The following LRRC4C variants were observed in gnomAD, a reference collection of about 807,000 sequenced individuals.
LRRC4C encodes the protein leucine-rich repeat-containing protein 4C.
Under a neutral mutation model 33.6 loss-of-function variants are expected in LRRC4C, and 5 were observed. The observed-to-expected ratio is 0.15, with a 90% confidence interval of 0.08 to 0.31. LRRC4C has a LOEUF of 0.31. Among genes scored for constraint, LRRC4C ranks in the 10% least tolerant of loss-of-function variants. LRRC4C has a pLI of 1.00. For missense variants in LRRC4C, 560 were observed against 796.7 expected, an observed-to-expected ratio of 0.70 and a Z score of 3.58; for synonymous variants, 329 against 302.0, an observed-to-expected ratio of 1.09 and a Z score of -0.93.
chr11:40,195,633 T>A (rs1203482002), intron 5 of LRRC4C, among the ~76,000 whole-genome samples: 1 of 152,080 alleles, frequency 6.6e-6, no homozygotes, highest in African/African-American at 2.4e-5. Context: ...GGGTATTTTG[T>A]CAAGAATCAT....
At chr11:40,602,077 C>A (rs1364188601) in intron 3 of LRRC4C, among the ~76,000 whole-genome samples, 4 of 151,624 alleles carry the variant, frequency 2.6e-5, no homozygotes, top group African/African-American at 7.3e-5. Context: ...TGCCTCTAAT[C>A]CCAGCTACTT....
At chr11:41,335,698 G>A (rs1343362904) in intron 1 of LRRC4C, among the ~76,000 whole-genome samples, 1 of 152,182 alleles carries the variant, frequency 6.6e-6, no homozygotes, top group Non-Finnish European at 1.5e-5. Flanking sequence ...TAGGTCTGCA[G>A]TAAATGTTTG....
chr11:41,396,147 C>T (rs1156830932), intron 1 of LRRC4C, among the ~76,000 whole-genome samples: 1 of 151,874 alleles, frequency 6.6e-6, no homozygotes, highest in African/African-American at 2.4e-5. Flanking sequence ...GATTGGACCC[C>T]CCGTTGCAGA....
At chr11:40,486,605 T>C (rs1953876380) in intron 3 of LRRC4C, among the ~76,000 whole-genome samples, 1 of 152,052 alleles carries the variant, frequency 6.6e-6, no homozygotes, top group Non-Finnish European at 1.5e-5. Flanking sequence ...TGTGATGTTA[T>C]TGAGGTAGTG....
At position 40,612,661 on chromosome 11, in the gene LRRC4C, C is replaced by T. The variant is rs187825177; in HGVS notation, c.-270+35481G>A. Among the ~76,000 whole-genome samples, 251 of 151,874 alleles carry T rather than the reference C, an allele frequency of 1.7e-3. 1 individual carries two copies. The highest frequency in any genetic ancestry group is 5.8e-3 in the African/African-American group (241 of 41,496). On this transcript the variant is annotated intron_variant, in intron 3 of 6. Transcript: ENST00000528697. Reference sequence around the variant, plus strand: ...GAAACATGAGTATTTTTTAAAGATTCGTGGTCTGCATACAGAACACTATCC... The same window carrying T: ...GAAACATGAGTATTTTTTAAAGATTTGTGGTCTGCATACAGAACACTATCC...
chr11:40,316,268 C>G (rs1257099302), intron 4 of LRRC4C, among the ~76,000 whole-genome samples: 3 of 151,942 alleles, frequency 2.0e-5, no homozygotes, highest in Non-Finnish European at 4.4e-5. Context: ...AAGTAGAACT[C>G]TATTTGTTGC....
chr11:40,138,622 C>G (rs1013441049), intron 6 of LRRC4C, among the ~76,000 whole-genome samples: 1 of 152,208 alleles, frequency 6.6e-6, no homozygotes, highest in African/African-American at 2.4e-5. Flanking sequence ...GCTCCGGATT[C>G]ATTTTCCTTC....
intron 1 of LRRC4C, among the ~76,000 whole-genome samples, chr11:41,296,976 G>A (rs746197423): frequency 1.1e-4 from 16 of 152,102 alleles, no homozygotes; most frequent in Non-Finnish European, 1.0e-4. Context: ...TAATGGAAAA[G>A]TTTCCCATTT....
At chr11:40,244,309 C>T (rs1866160740) in intron 4 of LRRC4C, among the ~76,000 whole-genome samples, 1 of 152,016 alleles carries the variant, frequency 6.6e-6, no homozygotes, top group African/African-American at 2.4e-5. Context: ...TCTGAGCTCT[C>T]AGTCTCTCAA....
chr11:40,952,453 G>C (rs537798811), intron 1 of LRRC4C, among the ~76,000 whole-genome samples: 1 of 151,806 alleles, frequency 6.6e-6, no homozygotes, highest in East Asian at 1.9e-4. Context: ...ACTTTTGGTC[G>C]AGCATGCTCT....
At chr11:40,872,487 C>A (rs1411384948) in intron 2 of LRRC4C, among the ~76,000 whole-genome samples, 1 of 152,078 alleles carries the variant, frequency 6.6e-6, no homozygotes, top group East Asian at 1.9e-4. Flanking sequence ...ACATTCCCAG[C>A]ATTTTCTTAT....
intron 1 of LRRC4C, among the ~76,000 whole-genome samples, chr11:41,210,384 T>C (rs975134953): frequency 7.2e-5 from 11 of 152,118 alleles, no homozygotes; most frequent in Admixed American, 6.6e-4. Context: ...TTACAAGGGT[T>C]TTCTCCTTTC....
chr11:41,399,535 C>A (rs1029589896), intron 1 of LRRC4C, among the ~76,000 whole-genome samples: 4 of 151,924 alleles, frequency 2.6e-5, no homozygotes, highest in African/African-American at 9.7e-5. Flanking sequence ...CTCAGAGGTA[C>A]TGTAGGGCTC....
intron 3 of LRRC4C, among the ~76,000 whole-genome samples, chr11:40,583,203 C>G (rs1415566322): frequency 2.6e-5 from 4 of 152,166 alleles, no homozygotes; most frequent in Non-Finnish European, 5.9e-5. Flanking sequence ...AATGCCTGCT[C>G]TATAACATTC....
chr11:40,978,596 T>C (rs1852261563), intron 1 of LRRC4C, among the ~76,000 whole-genome samples: 1 of 151,728 alleles, frequency 6.6e-6, no homozygotes, highest in Admixed American at 6.6e-5. Flanking sequence ...TACTATAACT[T>C]TGTCTCATGC....
intron 3 of LRRC4C, among the ~76,000 whole-genome samples, chr11:40,388,226 T>G (rs571771819): frequency 2.3e-4 from 35 of 152,260 alleles, no homozygotes; most frequent in African/African-American, 7.9e-4. Flanking sequence ...TAAGATGAAT[T>G]ATCAGGTTAC....
intron 1 of LRRC4C, among the ~76,000 whole-genome samples, chr11:41,304,970 C>T (rs1333057799): frequency 5.6e-5 from 6 of 107,470 alleles, no homozygotes; most frequent in Non-Finnish European, 7.6e-5. Context: ...AGGTGAGGGG[C>T]GCCTCTGCCC....
intron 1 of LRRC4C, among the ~76,000 whole-genome samples, chr11:41,222,368 C>G (rs917462661): frequency 3.3e-5 from 5 of 152,226 alleles, no homozygotes; most frequent in African/African-American, 7.2e-5. Flanking sequence ...TTCCTCTCCC[C>G]CAAAGAGCAG....
At chr11:41,253,252 A>G (rs1948699198) in intron 1 of LRRC4C, among the ~76,000 whole-genome samples, 1 of 152,114 alleles carries the variant, frequency 6.6e-6, no homozygotes, top group Non-Finnish European at 1.5e-5. Context: ...ATAATCATCA[A>G]AATGAGTAAA....
Sources: gnomAD v4.1 joint callset for allele counts (sites outside exome capture counted in the v4.1 genomes callset) on GRCh38, gnomAD v4.1.1 for gene constraint, MANE v1.5 for transcripts, NCBI Gene and HGNC (gene_info 2026-07-23, HGNC 2026-07-21) for gene names.